The following MLLT3 variants were observed in gnomAD, a reference collection of about 807,000 sequenced individuals.
MLLT3 encodes MLLT3 super elongation complex subunit, also known as protein AF-9.
A neutral mutation model predicts 53.2 loss-of-function variants in MLLT3; 4 were observed. That is an observed-to-expected ratio of 0.08 (90% CI 0.04 to 0.17). The LOEUF (loss-of-function observed/expected upper bound fraction) is 0.17. Among genes scored for constraint, MLLT3 ranks in the 10% least tolerant of loss-of-function variants. The pLI is 1.00. For missense variants in MLLT3, 569 were observed against 684.0 expected (o/e 0.83, Z 1.87); for synonymous variants, 283 against 230.6 (o/e 1.23, Z -2.06).
intron 2 of MLLT3, among the ~76,000 whole-genome samples, chr9:20,593,870 T>A (rs180867099): frequency 5.3e-5 from 8 of 152,340 alleles, no homozygotes; most frequent in East Asian, 3.9e-4. Context: ...TTATTTAGCT[T>A]TACTCTTGTA....
At chr9:20,556,835 A>T (rs1364834285) in intron 2 of MLLT3, among the ~76,000 whole-genome samples, 1 of 152,142 alleles carries the variant, frequency 6.6e-6, no homozygotes, top group Non-Finnish European at 1.5e-5. Context: ...ATTTTTCATC[A>T]GCTCTACTTA....
intron 4 of MLLT3, among the ~76,000 whole-genome samples, chr9:20,421,835 G>T (rs1823016291): frequency 6.6e-6 from 1 of 152,080 alleles, no homozygotes; most frequent in Admixed American, 6.6e-5. Context: ...CCATCAATTG[G>T]CAGAGAAAGA....
chr9:20,518,303 G>A (rs181831347), intron 2 of MLLT3, among the ~76,000 whole-genome samples: 95 of 152,220 alleles, frequency 6.2e-4, no homozygotes, highest in African/African-American at 1.4e-3. Flanking sequence ...CCAAGATCGC[G>A]CCATTGCACT....
chr9:20,510,238 T>C (rs1825498314), intron 2 of MLLT3, among the ~76,000 whole-genome samples: 2 of 151,936 alleles, frequency 1.3e-5, no homozygotes, highest in Admixed American at 1.3e-4. Context: ...AAATGAGCAA[T>C]GAATAGGAGA....
rs1313925822 is a variant in MLLT3 at position 20,620,645 on chromosome 9, G to C, written c.193+9C>G. The C allele has an allele frequency of 6.2e-7, 1 of 1,611,566 alleles. No homozygotes were observed. The highest frequency in any genetic ancestry group is 1.3e-5 in the African/African-American group (1 of 74,798). ...TTTTTATCAAGACCCTTTTGTATTC[G>C]AGCCCTACCTCTTTTTGGCCTAGGA... On this transcript the variant is annotated intron_variant, in intron 2 of 10. Coordinates refer to ENST00000380338, the MANE Select transcript of MLLT3 (RefSeq NM_004529.4). This position sits in a 1 kb window ranked among gnomAD's most constrained non-coding sequence, Gnocchi z 6.1.
intron 2 of MLLT3, among the ~76,000 whole-genome samples, chr9:20,530,921 G>A (rs555711119): frequency 5.9e-5 from 9 of 152,156 alleles, no homozygotes; most frequent in South Asian, 4.1e-4. Flanking sequence ...GTGAGCCATC[G>A]TGCCTGGCGC....
At chr9:20,574,317 T>C (rs1819601342) in intron 2 of MLLT3, among the ~76,000 whole-genome samples, 1 of 152,218 alleles carries the variant, frequency 6.6e-6, no homozygotes, top group South Asian at 2.1e-4. Context: ...GTCTGAATTT[T>C]CCAGTTATTT....
At chr9:20,379,858 C>G (rs1481264657) in intron 5 of MLLT3, among the ~76,000 whole-genome samples, 1 of 151,964 alleles carries the variant, frequency 6.6e-6, no homozygotes, top group Non-Finnish European at 1.5e-5. Flanking sequence ...CACCATGACT[C>G]CTACTAGCAA....
intron 2 of MLLT3, among the ~76,000 whole-genome samples, chr9:20,565,956 A>T (rs1397813813): frequency 4.8e-5 from 1 of 20,780 alleles, no homozygotes; most frequent in African/African-American, 1.3e-4. Flanking sequence ...ATATATATTT[A>T]TATATATATA....
At chr9:20,443,315 A>C (rs1239950696) in intron 4 of MLLT3, among the ~76,000 whole-genome samples, 2 of 152,194 alleles carry the variant, frequency 1.3e-5, no homozygotes, top group Non-Finnish European at 2.9e-5. Flanking sequence ...TTCTTCGTAG[A>C]AGCACAAGGA....
rs111768034 is a variant in MLLT3 at position 20,468,089 on chromosome 9, T to C, written c.194-11303A>G. 1.2e-3 allele frequency among the ~76,000 whole-genome samples: 180 copies of C among 152,350 alleles called. 3 individuals are homozygous for C. The highest frequency in any genetic ancestry group is 4.1e-3 in the African/African-American group (171 of 41,576). On this transcript the variant is annotated intron_variant, in intron 2 of 10. Coordinates refer to ENST00000380338, the MANE Select transcript of MLLT3 (RefSeq NM_004529.4). ...CATTTACAAAGTGAAGCTAATGCTA[T>C]TGCCTACTTCATATAGCTCCTATAA...
intron 4 of MLLT3, among the ~76,000 whole-genome samples, chr9:20,432,424 G>A (rs1483341657): frequency 6.6e-6 from 1 of 152,036 alleles, no homozygotes; most frequent in Non-Finnish European, 1.5e-5. Flanking sequence ...AAAGTATAAT[G>A]AGAAAAATAT....
At chr9:20,616,728 G>A (rs1820842596) in intron 2 of MLLT3, among the ~76,000 whole-genome samples, 2 of 152,094 alleles carry the variant, frequency 1.3e-5, no homozygotes, top group Non-Finnish European at 2.9e-5. Context: ...TCTACAAATA[G>A]ATATACCTCT....
chr9:20,615,289 G>A (rs2131212933), intron 2 of MLLT3, among the ~76,000 whole-genome samples: 1 of 140,060 alleles, frequency 7.1e-6, no homozygotes. Flanking sequence ...CTTGAGTCCA[G>A]GAGATGGAGG....
chr9:20,598,837 A>G (rs1347658752), intron 2 of MLLT3, among the ~76,000 whole-genome samples: 1 of 152,220 alleles, frequency 6.6e-6, no homozygotes, highest in African/African-American at 2.4e-5. Context: ...TCACAACATA[A>G]GTTTCCAATT....
intron 2 of MLLT3, among the ~76,000 whole-genome samples, chr9:20,491,064 G>C (rs1055362372): frequency 2.6e-5 from 4 of 152,048 alleles, no homozygotes; most frequent in African/African-American, 7.2e-5. Flanking sequence ...CTCTAAATCA[G>C]AGGGGTACTT....
Position 20,448,043 on chromosome 9 carries a change from G to A in MLLT3, c.420+80C>T, listed in dbSNP as rs563868428. ...CAAAACCTTATACTTTTTAACACAT[G>A]AGGAACTAGTTTGTTTGTTTTTTTT... On this transcript the variant is annotated intron_variant, in intron 4 of 10. Transcript: ENST00000380338. The surrounding 1 kb of genome is among the most constrained non-coding windows in gnomAD (Gnocchi z 4.0). The A allele has an allele frequency of 6.9e-5, 101 of 1,462,882 alleles. No individual in the cohort carries two copies. In the African/African-American group the frequency reaches 1.3e-3, roughly 19 times the overall value. 90.6% of individuals were successfully genotyped at this position (1,462,882 alleles called of 1,614,324 possible).
chr9:20,478,190 A>G (rs3893395), intron 2 of MLLT3, among the ~76,000 whole-genome samples: 32,438 of 151,970 alleles, frequency 0.21, 3,625 homozygotes, highest in South Asian at 0.25. Context: ...TGCACTGAGA[A>G]GCTGCATCTT....
In MLLT3 at chr9:20,528,534, G is replaced by C. The variant is rs117231164; in HGVS notation, c.194-71748C>G. The stretch of plus-strand genomic sequence containing the variant: ...CTGCACTGAAATCAAGGTTTCATCA[G>C]AGCTGCGCTCCCCACAAAGGCTCTA... On this transcript the variant is annotated intron_variant, in intron 2 of 10. Coordinates refer to ENST00000380338, the MANE Select transcript of MLLT3 (RefSeq NM_004529.4). Among the ~76,000 whole-genome samples the C allele has an allele frequency of 7.1e-3, 1,083 of 152,322 alleles. 12 individuals are homozygous for C. The highest frequency in any genetic ancestry group is 0.01 in the Non-Finnish European group (692 of 68,028).
Sources: allele counts gnomAD v4.1 joint callset (sites outside exome capture counted in the v4.1 genomes callset), GRCh38; gene constraint gnomAD v4.1.1; non-coding constraint Gnocchi (gnomAD v3.1); transcripts MANE v1.5; gene names NCBI Gene and HGNC (gene_info 2026-07-23, HGNC 2026-07-21).